HTR2C: variants seen among roughly 807,000 people sequenced by gnomAD.
The protein encoded by HTR2C is 5-hydroxytryptamine receptor 2C.
HTR2C carries 5 observed loss-of-function variants against 21.0 expected under a neutral mutation model. The observed-to-expected ratio is 0.24, with a 90% confidence interval of 0.12 to 0.50. HTR2C has a LOEUF of 0.50. HTR2C is among the 20% of genes least tolerant of loss of function. The pLI, the probability that HTR2C is intolerant of heterozygous loss-of-function variation, is 0.98. For synonymous variants in HTR2C, 150 were observed against 145.3 expected (o/e 1.03, Z -0.23); for missense variants, 271 against 371.2 (o/e 0.73, Z 2.22).
chrX:114,747,534 A>G (rs1402575740), intron 4 of HTR2C, among the ~76,000 whole-genome samples: 5 of 112,453 alleles, frequency 4.4e-5, no homozygotes, highest in Non-Finnish European at 9.4e-5. Context: ...CTGCTTCTGA[A>G]ATGGCCCCCA....
At chrX:114,849,234 A>G in intron 5 of HTR2C, among the ~76,000 whole-genome samples, 1 of 112,301 alleles carries the variant, frequency 8.9e-6, no homozygotes, top group Non-Finnish European at 1.9e-5. Flanking sequence ...TGCCCTAGCC[A>G]TCACAAAGAG....
intron 2 of HTR2C, among the ~76,000 whole-genome samples, chrX:114,711,399 A>G (rs1358131964): frequency 1.8e-5 from 2 of 111,969 alleles, no homozygotes; most frequent in Non-Finnish European, 3.8e-5. Context: ...TTTTACTTAT[A>G]GAACAGATGA....
At chrX:114,764,010 G>A (rs1452192294) in intron 4 of HTR2C, among the ~76,000 whole-genome samples, 1 of 111,796 alleles carries the variant, frequency 8.9e-6, no homozygotes, top group Non-Finnish European at 1.9e-5. Context: ...ATATGTGGAA[G>A]AATACAGTCC....
intron 4 of HTR2C, chrX:114,823,673 G>A: frequency 7.0e-6 from 2 of 286,888 alleles, no homozygotes. Flanking sequence ...TCTGACAAAT[G>A]TATTTAGAGG....
chrX:114,822,905 A>G (rs1211211280), intron 4 of HTR2C, among the ~76,000 whole-genome samples: 1 of 111,503 alleles, frequency 9.0e-6, no homozygotes, highest in African/African-American at 3.3e-5. Flanking sequence ...TCCTTAGCTA[A>G]GTTTCTTTAT....
intron 4 of HTR2C, among the ~76,000 whole-genome samples, chrX:114,805,311 A>G (rs2070390584): frequency 9.3e-6 from 1 of 108,034 alleles, no homozygotes; most frequent in East Asian, 2.9e-4. Context: ...TTCCTTGGCT[A>G]ACCTTTTTTC....
At chrX:114,859,959 C>G (rs1206774316) in intron 5 of HTR2C, among the ~76,000 whole-genome samples, 2 of 111,476 alleles carry the variant, frequency 1.8e-5, no homozygotes, top group Non-Finnish European at 3.8e-5. Context: ...TTTCAGACTT[C>G]AGGAAATTTT....
chrX:114,778,112 G>C (rs1420537929), intron 4 of HTR2C, among the ~76,000 whole-genome samples: 2 of 111,176 alleles, frequency 1.8e-5, no homozygotes, highest in Non-Finnish European at 3.8e-5. Flanking sequence ...GAATGTACTG[G>C]AAGTGCCATG....
At chrX:114,666,518 T>G (rs1473742156) in intron 2 of HTR2C, among the ~76,000 whole-genome samples, 5 of 112,016 alleles carry the variant, frequency 4.5e-5, no homozygotes. Context: ...TGCCATATTA[T>G]GTACAATGAA....
At chrX:114,745,975 G>GT (rs782672001) in intron 4 of HTR2C, among the ~76,000 whole-genome samples, 1 of 112,133 alleles carries the variant, frequency 8.9e-6, no homozygotes, top group Non-Finnish European at 1.9e-5. Flanking sequence ...TGGATTGTTT[G>GT]TAAGTCAATG....
chrX:114,840,494 T>C (rs1208968070), intron 4 of HTR2C, among the ~76,000 whole-genome samples: 2 of 110,474 alleles, frequency 1.8e-5, no homozygotes, highest in Non-Finnish European at 3.8e-5. Flanking sequence ...GCGAAACACA[T>C]TGAGAAAAAA....
chrX:114,757,520 A>G (rs1039872882), intron 4 of HTR2C, among the ~76,000 whole-genome samples: 15 of 111,708 alleles, frequency 1.3e-4, no homozygotes, highest in African/African-American at 4.9e-4. Context: ...TGTAAATTCT[A>G]CTGCAGCCAA....
chrX:114,847,119 A>G lies in HTR2C; in HGVS notation c.350-884A>G, dbSNP rs185152005. On this transcript the variant is annotated intron_variant, in intron 4 of 5. Coordinates refer to ENST00000276198, the MANE Select transcript of HTR2C (RefSeq NM_000868.4). ...TACGAAATAGATAAACCTCAAAAAC[A>G]TTAGCTAGGTGAAAGAAGCCAGACC... is the stretch of plus-strand genomic sequence containing the variant. 1.1e-3 allele frequency among the ~76,000 whole-genome samples: 121 copies of G among 111,084 alleles called. 1 individual carries two copies. The highest frequency in any genetic ancestry group is 3.8e-3 in the African/African-American group (117 of 30,619).
intron 2 of HTR2C, among the ~76,000 whole-genome samples, chrX:114,681,850 T>C (rs782807458): frequency 1.8e-3 from 201 of 111,513 alleles, no homozygotes; most frequent in African/African-American, 5.9e-3. Context: ...TCTCTGCCTG[T>C]GTGCTTTCTA....
chrX:114,621,026 G>A (rs951574483), intron 2 of HTR2C, among the ~76,000 whole-genome samples: 17 of 111,785 alleles, frequency 1.5e-4, no homozygotes, highest in Non-Finnish European at 2.8e-4. Flanking sequence ...GACTACAGGC[G>A]TGCGCCACCA....
At position 114,908,414 on chromosome X, in the gene HTR2C, A is replaced by T. The variant is rs1402719560; in HGVS notation, c.*999A>T. 1.8e-5 allele frequency: 2 copies of T among 112,065 alleles called. No homozygotes were observed. The highest frequency in any genetic ancestry group is 6.5e-5 in the African/African-American group (2 of 30,788). 9.2% of individuals were successfully genotyped at this position (112,065 alleles called of 1,213,427 possible). The stretch of plus-strand genomic sequence containing the variant: ...TTAATTTAGCAGTCCATTTTTGAGT[A>T]AAACTTGTATTGGAAGTATAGATGG... On this transcript the variant is annotated 3_prime_UTR_variant, in exon 6 of 6. Coordinates refer to ENST00000276198, the MANE Select transcript of HTR2C (RefSeq NM_000868.4).
intron 2 of HTR2C, among the ~76,000 whole-genome samples, chrX:114,657,120 A>G (rs1156801874): frequency 9.0e-6 from 1 of 111,130 alleles, no homozygotes; most frequent in Non-Finnish European, 1.9e-5. Context: ...CCACTTCAAC[A>G]TAATTTAGCT....
intron 2 of HTR2C, among the ~76,000 whole-genome samples, chrX:114,617,079 C>T (rs782322973): frequency 3.6e-5 from 4 of 112,028 alleles, no homozygotes; most frequent in Non-Finnish European, 5.6e-5. Flanking sequence ...AATATGAGTT[C>T]TCTGATACAG....
intron 4 of HTR2C, among the ~76,000 whole-genome samples, chrX:114,736,269 A>C (rs1380531432): frequency 9.0e-6 from 1 of 111,463 alleles, no homozygotes; most frequent in Non-Finnish European, 1.9e-5. Context: ...AATTAGGCAT[A>C]TGAAGAAAGA....
Sources: gnomAD v4.1 joint callset for allele counts (sites outside exome capture counted in the v4.1 genomes callset) on GRCh38, gnomAD v4.1.1 for gene constraint, MANE v1.5 for transcripts, NCBI Gene and HGNC (gene_info 2026-07-23, HGNC 2026-07-21) for gene names.